The following KCNIP4 variants were observed in gnomAD, a reference collection of about 807,000 sequenced individuals.
KCNIP4 encodes Kv channel-interacting protein 4.
In KCNIP4, 12 loss-of-function variants were observed where a neutral mutation model predicts 34.0. The ratio of observed to expected loss-of-function variants is 0.35; its 90% CI spans 0.23 to 0.57. The LOEUF (loss-of-function observed/expected upper bound fraction) is 0.57. Among genes scored for constraint, KCNIP4 ranks in the 20% least tolerant of loss-of-function variants. The pLI, the probability that KCNIP4 is intolerant of heterozygous loss-of-function variation, is 0.83. For missense variants in KCNIP4, 238 were observed against 311.7 expected, an observed-to-expected ratio of 0.76 and a Z score of 1.78; for synonymous variants, 124 against 102.2, an observed-to-expected ratio of 1.21 and a Z score of -1.29.
At chr4:21,930,567 A>G (rs1207217581) in intron 1 of KCNIP4, among the ~76,000 whole-genome samples, 2 of 152,118 alleles carry the variant, frequency 1.3e-5, no homozygotes, top group Admixed American at 6.6e-5. Context: ...CTACACTGCC[A>G]GTATTCAAGC....
chr4:20,900,988 C>A (rs1250343531), intron 1 of KCNIP4, among the ~76,000 whole-genome samples: 2 of 152,104 alleles, frequency 1.3e-5, no homozygotes, highest in Admixed American at 6.5e-5. Flanking sequence ...AATCTCAGCA[C>A]CACATGTGCA....
chr4:20,858,471 T>A (rs1721850376), intron 2 of KCNIP4, among the ~76,000 whole-genome samples: 1 of 152,184 alleles, frequency 6.6e-6, no homozygotes, highest in Non-Finnish European at 1.5e-5. Context: ...TAAAAGCAGG[T>A]CTTGTTATCC....
At chr4:21,135,235 G>C (rs190605795) in intron 1 of KCNIP4, among the ~76,000 whole-genome samples, 9 of 152,334 alleles carry the variant, frequency 5.9e-5, no homozygotes, top group Admixed American at 2.6e-4. Context: ...AAGATGAGCA[G>C]AGGTGTAGAA....
intron 2 of KCNIP4, among the ~76,000 whole-genome samples, chr4:20,853,395 G>A (rs56195201): frequency 6.6e-6 from 1 of 152,192 alleles, no homozygotes; most frequent in East Asian, 1.9e-4. Context: ...TGGGGGAAAG[G>A]ACACCCTTTT....
chr4:21,035,145 A>G (rs1422016821), intron 1 of KCNIP4, among the ~76,000 whole-genome samples: 1 of 152,198 alleles, frequency 6.6e-6, no homozygotes, highest in African/African-American at 2.4e-5. Context: ...GGGGGAGAGC[A>G]CCAAGCTTCA....
intron 4 of KCNIP4, among the ~76,000 whole-genome samples, chr4:20,757,547 C>G (rs902589601): frequency 2.6e-5 from 4 of 152,156 alleles, no homozygotes; most frequent in African/African-American, 7.2e-5. Context: ...TAGCCACACC[C>G]AAATCCTGGC....
At chr4:21,845,883 A>T (rs1037126490) in intron 1 of KCNIP4, 2 of 152,058 alleles carry the variant, frequency 1.3e-5, no homozygotes, top group Non-Finnish European at 2.9e-5. Context: ...GTTTTTAGTA[A>T]GTATCTGTTC....
At chr4:21,488,086 T>C (rs1732076744) in intron 1 of KCNIP4, among the ~76,000 whole-genome samples, 1 of 152,158 alleles carries the variant, frequency 6.6e-6, no homozygotes, top group South Asian at 2.1e-4. Flanking sequence ...AGAAGGAGAA[T>C]ATATGTCTGC....
At chr4:20,990,830 C>A (rs965637294) in intron 1 of KCNIP4, among the ~76,000 whole-genome samples, 3 of 152,128 alleles carry the variant, frequency 2.0e-5, no homozygotes, top group Admixed American at 2.0e-4. Flanking sequence ...AGGTGTCTGT[C>A]ACATCCCACC....
At chr4:20,733,696 T>C (rs1293307932) in intron 6 of KCNIP4, among the ~76,000 whole-genome samples, 1 of 152,156 alleles carries the variant, frequency 6.6e-6, no homozygotes, top group Non-Finnish European at 1.5e-5. Flanking sequence ...GGGTAATAAA[T>C]ATTCATGATA....
chr4:21,136,838 G>A (rs1751534565), intron 1 of KCNIP4, among the ~76,000 whole-genome samples: 1 of 152,106 alleles, frequency 6.6e-6, no homozygotes, highest in Non-Finnish European at 1.5e-5. Flanking sequence ...TCTGTCTTCT[G>A]TAGTCACTGT....
chr4:20,926,345 T>C (rs913421092), intron 1 of KCNIP4, among the ~76,000 whole-genome samples: 19 of 152,356 alleles, frequency 1.2e-4, no homozygotes, highest in South Asian at 4.1e-4. Flanking sequence ...TGCAACTTTT[T>C]ATCCCCTCCC....
At chr4:20,984,116 C>A (rs1736352003) in intron 1 of KCNIP4, 2 of 796,738 alleles carry the variant, frequency 2.5e-6, no homozygotes, top group Non-Finnish European at 3.8e-6. Flanking sequence ...AGTCCAGCTT[C>A]TCATGCTGAT....
chr4:21,023,417 C>T (rs1423253570), intron 1 of KCNIP4, among the ~76,000 whole-genome samples: 4 of 152,040 alleles, frequency 2.6e-5, no homozygotes, highest in South Asian at 4.2e-4. Flanking sequence ...TTTTGTAAAT[C>T]ATTTATCTGA....
At chr4:20,779,870 CAG>C (rs1210219691) in intron 3 of KCNIP4, among the ~76,000 whole-genome samples, 1 of 152,132 alleles carries the variant, frequency 6.6e-6, no homozygotes, top group Non-Finnish European at 1.5e-5. Context: ...GATTCTCCCC[CAG>C]AATTTCTCAA....
intron 1 of KCNIP4, among the ~76,000 whole-genome samples, chr4:20,985,209 C>T (rs1438844124): frequency 6.6e-6 from 1 of 152,154 alleles, no homozygotes; most frequent in Non-Finnish European, 1.5e-5. Context: ...TGATCTTGTG[C>T]AAGACACTTA....
chr4:21,597,807 T>C (rs1742774620), intron 1 of KCNIP4, among the ~76,000 whole-genome samples: 1 of 152,132 alleles, frequency 6.6e-6, no homozygotes, highest in Non-Finnish European at 1.5e-5. Flanking sequence ...TGCAGGTTTT[T>C]AGGATATTGT....
intron 1 of KCNIP4, among the ~76,000 whole-genome samples, chr4:20,937,001 C>T (rs908650345): frequency 4.0e-5 from 6 of 151,838 alleles, no homozygotes; most frequent in South Asian, 4.2e-4. Context: ...AAAAGCGTAA[C>T]GTTCTTGGTG....
chr4:21,371,285 C>T (rs912600160), intron 1 of KCNIP4, among the ~76,000 whole-genome samples: 4 of 146,018 alleles, frequency 2.7e-5, no homozygotes, highest in Non-Finnish European at 5.9e-5. Context: ...GATTTGAATA[C>T]ATGAGAGGTA....
Sources: gnomAD v4.1 joint callset for allele counts (sites outside exome capture counted in the v4.1 genomes callset) on GRCh38, gnomAD v4.1.1 for gene constraint, MANE v1.5 for transcripts, NCBI Gene and HGNC (gene_info 2026-07-23, HGNC 2026-07-21) for gene names.